CD99L2: variants seen among roughly 807,000 people sequenced by gnomAD.
The protein encoded by CD99L2 is CD99 molecule like 2.
CD99L2 carries 24 observed loss-of-function variants against 27.3 expected under a neutral mutation model. That is an observed-to-expected ratio of 0.88 (90% CI 0.64 to 1.24). CD99L2 has a LOEUF of 1.24. Among genes scored for constraint, CD99L2 ranks in the 50% most tolerant of loss-of-function variants. CD99L2 has a pLI of 0.00. For missense variants in CD99L2, 255 were observed against 221.6 expected (o/e 1.15, Z -0.96); for synonymous variants, 97 against 87.9 (o/e 1.10, Z -0.58).
At chrX:150,825,143 G>C (rs2046350321) in intron 2 of CD99L2, among the ~76,000 whole-genome samples, 1 of 111,851 alleles carries the variant, frequency 8.9e-6, no homozygotes, top group Non-Finnish European at 1.9e-5. Context: ...AAATGAGTTT[G>C]TTTATGTATA....
At chrX:150,886,904 T>C (rs67756578) in intron 1 of CD99L2, among the ~76,000 whole-genome samples, 29,461 of 111,030 alleles carry the variant, frequency 0.27, 2,890 homozygotes, top group South Asian at 0.36. Flanking sequence ...CCATGGCTCA[T>C]GCTTGTAATC....
At chrX:150,789,881 T>G (rs1432293305) in intron 7 of CD99L2, among the ~76,000 whole-genome samples, 1 of 111,696 alleles carries the variant, frequency 9.0e-6, no homozygotes, top group Non-Finnish European at 1.9e-5. Context: ...TGAGATCCTA[T>G]CTCAAAAAAA....
At chrX:150,828,599 A>G (rs1557420983) in intron 2 of CD99L2, 1 of 111,974 alleles carries the variant, frequency 8.9e-6, no homozygotes, top group Non-Finnish European at 1.9e-5. Context: ...TGGGGGAAGA[A>G]TGTGAACAAT....
intron 2 of CD99L2, among the ~76,000 whole-genome samples, chrX:150,824,396 GAAGA>G (rs1466460550): frequency 4.1e-5 from 4 of 96,980 alleles, no homozygotes; most frequent in African/African-American, 3.8e-5. Context: ...AGAAGAAGAA[GAAGA>G]AAGAAGAAGA....
At chrX:150,790,057 T>C (rs1338454900) in intron 7 of CD99L2, among the ~76,000 whole-genome samples, 1 of 111,319 alleles carries the variant, frequency 9.0e-6, no homozygotes, top group Non-Finnish European at 1.9e-5. Context: ...GAAAAAACTT[T>C]AAATGCATAT....
chrX:150,838,508 A>C (rs2124259645), intron 1 of CD99L2, among the ~76,000 whole-genome samples: 1 of 111,138 alleles, frequency 9.0e-6, no homozygotes, highest in South Asian at 3.8e-4. Flanking sequence ...TAACTGTTCA[A>C]AAATAAAACT....
chrX:150,892,605 CAAAAAA>C (rs782464097), intron 1 of CD99L2, among the ~76,000 whole-genome samples: 1 of 30,194 alleles, frequency 3.3e-5, no homozygotes, highest in Non-Finnish European at 5.9e-5. Context: ...GACTCTGTCT[CAAAAAA>C]AAAAAAAAAA....
rs185825137 is a variant in CD99L2, at chrX:150,794,199, C to T, written c.431-443G>A. Among the ~76,000 whole-genome samples, 15 of 111,647 alleles carry T rather than the reference C, an allele frequency of 1.3e-4. No individual in the cohort carries two copies. The East Asian group carries it at 3.4e-3, about 25-fold the overall frequency. ...CGGTCGGTCTCTCCTCCTTTCTCCC[C>T]CTACCAACCCGTCTGTTGGTCATTC... On this transcript the variant is annotated intron_variant, in intron 6 of 10. Coordinates refer to ENST00000370377, the MANE Select transcript of CD99L2 (RefSeq NM_031462.4).
intron 7 of CD99L2, among the ~76,000 whole-genome samples, chrX:150,790,844 A>T (rs975044319): frequency 9.8e-5 from 11 of 112,080 alleles, no homozygotes; most frequent in Non-Finnish European, 1.7e-4. Context: ...ATATGTGTAT[A>T]TATATGGTGT....
Position 150,790,585 on chromosome X carries a change from A to C in CD99L2, c.496+3106T>G, listed in dbSNP as rs1317314919. ...CATAAACACTGGACTCTAGTTGGTAAAGTTGTTTCTCCTGGGGGTATGAGT... is the reference window on the plus strand; with the variant it reads ...CATAAACACTGGACTCTAGTTGGTACAGTTGTTTCTCCTGGGGGTATGAGT... On this transcript the variant is annotated intron_variant, in intron 7 of 10. Coordinates refer to ENST00000370377, the MANE Select transcript of CD99L2 (RefSeq NM_031462.4). Among the ~76,000 whole-genome samples the C allele has an allele frequency of 3.6e-5, 4 of 111,705 alleles. No homozygotes were observed. The East Asian group carries it at 1.1e-3, about 32-fold the overall frequency.
At chrX:150,810,430 G>A (rs2046055343) in intron 4 of CD99L2, among the ~76,000 whole-genome samples, 1 of 111,450 alleles carries the variant, frequency 9.0e-6, no homozygotes, top group Non-Finnish European at 1.9e-5. Flanking sequence ...AAAAACTTAT[G>A]AGATACAGCA....
chrX:150,778,523 A>G (rs1371825025), intron 7 of CD99L2, among the ~76,000 whole-genome samples: 1 of 105,935 alleles, frequency 9.4e-6, no homozygotes, highest in Non-Finnish European at 1.9e-5. Flanking sequence ...AAACATGAGA[A>G]CTCTCTGTAC....
chrX:150,814,572 A>G (rs781975697), intron 4 of CD99L2, among the ~76,000 whole-genome samples: 2 of 112,744 alleles, frequency 1.8e-5, no homozygotes, highest in African/African-American at 3.2e-5. Context: ...TTTATGTTAA[A>G]TGTATGGGTT....
In CD99L2 at chrX:150,787,855, C is replaced by T. The variant is rs182370516; in HGVS notation, c.496+5836G>A. Among the ~76,000 whole-genome samples the T allele has an allele frequency of 8.8e-3, 859 of 97,171 alleles. 15 individuals are homozygous for T. Among genetic ancestry groups the T allele is most frequent in the African/African-American group, 0.03 (815 of 26,741 alleles). 84.4% of individuals were successfully genotyped at this position (97,171 alleles called of 115,157 possible). ...CACATGTATACATATGAAACAAACCCGCACGTTGTGTACATGTACCCTAGA... is the reference window on the plus strand; with the variant it reads ...CACATGTATACATATGAAACAAACCTGCACGTTGTGTACATGTACCCTAGA... On this transcript the variant is annotated intron_variant, in intron 7 of 10. Coordinates refer to ENST00000370377, the MANE Select transcript of CD99L2 (RefSeq NM_031462.4).
chrX:150,846,517 A>G (rs2046706483), intron 1 of CD99L2, among the ~76,000 whole-genome samples: 1 of 112,373 alleles, frequency 8.9e-6, no homozygotes, highest in Non-Finnish European at 1.9e-5. Context: ...TGAGGATTAA[A>G]TAATCATTAT....
At chrX:150,806,616 C>T (rs1229413215) in intron 4 of CD99L2, among the ~76,000 whole-genome samples, 10 of 112,088 alleles carry the variant, frequency 8.9e-5, no homozygotes, top group African/African-American at 3.2e-4. Flanking sequence ...GAAGGCCGGG[C>T]GTGAAGGCTC....
intron 1 of CD99L2, among the ~76,000 whole-genome samples, chrX:150,883,957 T>C (rs782655512): frequency 4.5e-5 from 5 of 111,395 alleles, no homozygotes; most frequent in Non-Finnish European, 9.5e-5. Flanking sequence ...AGTCTGACAA[T>C]ACCAAGCGCT....
At chrX:150,868,734 G>A (rs1042864712) in intron 1 of CD99L2, among the ~76,000 whole-genome samples, 6 of 111,797 alleles carry the variant, frequency 5.4e-5, no homozygotes, top group Admixed American at 9.5e-5. Flanking sequence ...CCATATATGA[G>A]TGAGAACATG....
At chrX:150,851,441 A>T (rs1380090005) in intron 1 of CD99L2, among the ~76,000 whole-genome samples, 1 of 112,059 alleles carries the variant, frequency 8.9e-6, no homozygotes, top group Admixed American at 9.4e-5. Flanking sequence ...GCTCAGATAG[A>T]TGCAGCAGCA....
Sources: gnomAD v4.1 joint callset for allele counts (sites outside exome capture counted in the v4.1 genomes callset) on GRCh38, gnomAD v4.1.1 for gene constraint, MANE v1.5 for transcripts, NCBI Gene and HGNC (gene_info 2026-07-23, HGNC 2026-07-21) for gene names.